Variants in FAM163B observed in about 807,000 individuals in gnomAD.
FAM163B encodes the protein protein FAM163B.
FAM163B carries 4 observed loss-of-function variants against 7.6 expected under a neutral mutation model. That is an observed-to-expected ratio of 0.52 (90% CI 0.26 to 1.20). The LOEUF (loss-of-function observed/expected upper bound fraction) is 1.20. FAM163B is among the 50% of genes most tolerant of loss of function. The pLI, the probability that FAM163B is intolerant of heterozygous loss-of-function variation, is 0.14. For missense variants in FAM163B, 250 were observed against 243.0 expected (o/e 1.03, Z -0.19); for synonymous variants, 120 against 111.6 (o/e 1.07, Z -0.47).
At chr9:133,603,403 G>A (rs1831753530) in intron 1 of FAM163B, among the ~76,000 whole-genome samples, 5 of 152,182 alleles carry the variant, frequency 3.3e-5, no homozygotes, top group Admixed American at 3.3e-4. Flanking sequence ...GGGTCTGCAC[G>A]GCTGGTGAAC....
In FAM163B at chr9:133,582,472, G is replaced by A. The variant is rs376231495; in HGVS notation, c.-23-2226C>T. Among the ~76,000 whole-genome samples the A allele has an allele frequency of 2.1e-3, 324 of 152,288 alleles. 1 individual carries two copies. The highest frequency in any genetic ancestry group is 7.3e-3 in the African/African-American group (302 of 41,554). On this transcript the variant is annotated intron_variant, in intron 1 of 2. Transcript: ENST00000673969. ...TCTGGGTCAGGTCAGGGCTGGATCC[G>A]CTGCTACCATCCACCTTGGGGCCCC...
At chr9:133,608,146 C>T (rs1831811816) in intron 1 of FAM163B, among the ~76,000 whole-genome samples, 2 of 152,230 alleles carry the variant, frequency 1.3e-5, no homozygotes, top group Non-Finnish European at 1.5e-5. Context: ...CTCTCCTGAG[C>T]TCCTGCTTAC....
chr9:133,595,493 A>G (rs1253277861), intron 1 of FAM163B, among the ~76,000 whole-genome samples: 2 of 152,192 alleles, frequency 1.3e-5, no homozygotes, highest in Non-Finnish European at 2.9e-5. Flanking sequence ...CTGGTGCGGC[A>G]TCCTCGGACC....
intron 1 of FAM163B, among the ~76,000 whole-genome samples, chr9:133,587,062 C>A (rs1175085048): frequency 2.6e-5 from 4 of 152,154 alleles, no homozygotes; most frequent in African/African-American, 9.7e-5. Context: ...TAAACTGAGG[C>A]CAGAAGAGTG....
chr9:133,580,060 G>A (rs982366953), intron 2 of FAM163B, 71 bp downstream of exon 2: 1 of 1,338,092 alleles, frequency 7.5e-7, no homozygotes, highest in African/African-American at 1.4e-5. Flanking sequence ...CTTCAGGCGG[G>A]GCTCCCTCCC....
chr9:133,584,097 C>T (rs1266619663), intron 1 of FAM163B, among the ~76,000 whole-genome samples: 2 of 152,106 alleles, frequency 1.3e-5, no homozygotes, highest in East Asian at 3.9e-4. Context: ...GTGCCCTCCT[C>T]TCCCAGGAAG....
rs1831276690 is a variant in FAM163B, at chr9:133,577,886, A to G, written c.*1136T>C. Among the ~76,000 whole-genome samples, 1 of 152,076 alleles carries G rather than the reference A, an allele frequency of 6.6e-6. No homozygotes were observed. The highest frequency in any genetic ancestry group is 1.5e-5 in the Non-Finnish European group (1 of 67,992). On this transcript the variant is annotated 3_prime_UTR_variant, in exon 3 of 3. Transcript: ENST00000673969. ...CAGCCTGGGTGGGCGCTTGGTGGAA[A>G]GTGGGCTCAGATGAGGTCTTCAGAT...
intron 1 of FAM163B, among the ~76,000 whole-genome samples, chr9:133,605,227 A>C (rs1308424426): frequency 1.3e-5 from 2 of 152,188 alleles, no homozygotes; most frequent in Non-Finnish European, 1.5e-5. Flanking sequence ...GGCACATCAG[A>C]GGCGGATGTA....
chr9:133,591,325 G>A (rs1450868846), intron 1 of FAM163B, among the ~76,000 whole-genome samples: 1 of 152,250 alleles, frequency 6.6e-6, no homozygotes, highest in Non-Finnish European at 1.5e-5. Context: ...TCCGGATGGG[G>A]GAGACACCCA....
rs948047807 is a variant in FAM163B at position 133,606,051 on chromosome 9, G to A, written c.-24+3026C>T. 1.3e-5 allele frequency among the ~76,000 whole-genome samples: 2 copies of A among 152,144 alleles called. No individual in the cohort carries two copies. Among genetic ancestry groups the A allele is most frequent in the African/African-American group, 4.8e-5 (2 of 41,430 alleles). On this transcript the variant is annotated intron_variant, in intron 1 of 2. Transcript: ENST00000673969. This position sits in a 1 kb window ranked among gnomAD's most constrained non-coding sequence, Gnocchi z 4.0. ...GGCGGAAAGCCCAACCACTGAGCAGGGCTTACAAGCCTGGCGGAACCGGAC... is the reference window on the plus strand; with the variant it reads ...GGCGGAAAGCCCAACCACTGAGCAGAGCTTACAAGCCTGGCGGAACCGGAC...
chr9:133,585,180 G>T (rs961986458), intron 1 of FAM163B, among the ~76,000 whole-genome samples: 9 of 152,284 alleles, frequency 5.9e-5, no homozygotes, highest in Admixed American at 1.3e-4. Context: ...AGCTTCAGTT[G>T]TCTCCTGCGG....
At chr9:133,585,767 G>A (rs1275207191) in intron 1 of FAM163B, among the ~76,000 whole-genome samples, 1 of 152,214 alleles carries the variant, frequency 6.6e-6, no homozygotes, top group Non-Finnish European at 1.5e-5. Flanking sequence ...AGGTGAGGCG[G>A]GCGCCCTCCA....
chr9:133,588,088 C>T (rs1387758067), intron 1 of FAM163B, among the ~76,000 whole-genome samples: 1 of 152,140 alleles, frequency 6.6e-6, no homozygotes, highest in East Asian at 1.9e-4. Flanking sequence ...GTGAGAAGTC[C>T]CCGCACCCTG....
chr9:133,588,443 C>A (rs1447338518), intron 1 of FAM163B, among the ~76,000 whole-genome samples: 1 of 151,390 alleles, frequency 6.6e-6, no homozygotes, highest in Non-Finnish European at 1.5e-5. Flanking sequence ...GAAGTTGCCA[C>A]CTTTGGCTCC....
At chr9:133,594,742 T>G in intron 1 of FAM163B, among the ~76,000 whole-genome samples, 1 of 150,836 alleles carries the variant, frequency 6.6e-6, no homozygotes, top group African/African-American at 2.4e-5. Context: ...GAATGGGGAG[T>G]GTTAACAGGG....
Position 133,579,355 on chromosome 9 carries a change from G to A in FAM163B, c.168C>T (p.Pro56=), listed in dbSNP as rs1588319902. The change falls in exon 3 of 3, where the codon CCC becomes CCT. Residue 56 remains proline, a synonymous_variant. Coordinates refer to ENST00000673969, the MANE Select transcript of FAM163B (RefSeq NM_001080515.3). ...EPDFAVHSHL[P]PLHSNRNLVL... is the part of the protein sequence containing the mutation. ...CCAGGTTGCGGTTGGAGTGCAGCGGGGGCAGGTGCGAGTGAACGGCGAAGT... is the reference window on the plus strand; with the variant it reads ...CCAGGTTGCGGTTGGAGTGCAGCGGAGGCAGGTGCGAGTGAACGGCGAAGT... The A allele has an allele frequency of 6.2e-7, 1 of 1,613,078 alleles. No individual in the cohort carries two copies. Among genetic ancestry groups the A allele is most frequent in the East Asian group, 2.2e-5 (1 of 44,852 alleles).
At chr9:133,587,956 C>T (rs1019502443) in intron 1 of FAM163B, among the ~76,000 whole-genome samples, 4 of 56,060 alleles carry the variant, frequency 7.1e-5, no homozygotes, top group East Asian at 9.3e-4. Context: ...GATGGGCGAA[C>T]GGGGGCGCGA....
intron 1 of FAM163B, among the ~76,000 whole-genome samples, chr9:133,583,593 C>T (rs900937927): frequency 1.1e-4 from 16 of 152,308 alleles, no homozygotes; most frequent in African/African-American, 3.1e-4. Context: ...AGTCCTTCAT[C>T]GGGTCCCTGA....
intron 1 of FAM163B, among the ~76,000 whole-genome samples, chr9:133,581,554 C>T (rs1831356521): frequency 6.6e-6 from 1 of 152,224 alleles, no homozygotes; most frequent in East Asian, 1.9e-4. Context: ...GCCTTTTTTA[C>T]GGTTGGTTAG....
Sources: gnomAD v4.1 joint callset for allele counts (sites outside exome capture counted in the v4.1 genomes callset) on GRCh38, gnomAD v4.1.1 for gene constraint, Gnocchi (gnomAD v3.1) non-coding constraint, MANE v1.5 for transcripts, NCBI Gene and HGNC (gene_info 2026-07-23, HGNC 2026-07-21) for gene names.